VPS13A: variants seen among roughly 807,000 people sequenced by gnomAD.
The protein encoded by VPS13A is intermembrane lipid transfer protein VPS13A.
VPS13A carries 264 observed loss-of-function variants against 390.9 expected under a neutral mutation model. The ratio of observed to expected loss-of-function variants is 0.68; its 90% confidence interval spans 0.61 to 0.75. The LOEUF is 0.75. VPS13A is among the 30% of genes least tolerant of loss of function. VPS13A has a pLI of 0.00. For missense variants in VPS13A, 3,409 were observed against 3,733.9 expected (o/e 0.91, Z 2.27); for synonymous variants, 1,231 against 1,227.1 (o/e 1.00, Z -0.07).
chr9:77,316,048 A>T (rs1192512769), intron 38 of VPS13A, 126 bp from the exon 39 acceptor site: 1 of 442,978 alleles, frequency 2.3e-6, no homozygotes, highest in East Asian at 6.0e-5. Context: ...GTTGTAGTTG[A>T]TTCCTTTGGG....
At chr9:77,379,348 C>G (rs1833304411) in intron 67 of VPS13A, among the ~76,000 whole-genome samples, 1 of 151,802 alleles carries the variant, frequency 6.6e-6, no homozygotes, top group African/African-American at 2.4e-5. Context: ...TCAAGCTATT[C>G]TCCTGCCTCA....
At chr9:77,399,385 G>A (rs985847314) in intron 68 of VPS13A, among the ~76,000 whole-genome samples, 2 of 152,110 alleles carry the variant, frequency 1.3e-5, no homozygotes, top group Non-Finnish European at 2.9e-5. Context: ...TGGTTTAACT[G>A]CTTATATGCA....
chr9:77,313,348 T>C (rs1303602211), intron 35 of VPS13A, among the ~76,000 whole-genome samples: 2 of 152,190 alleles, frequency 1.3e-5, no homozygotes, highest in Non-Finnish European at 2.9e-5. Context: ...TGTGGAAATA[T>C]ACACTTATCA....
At chr9:77,332,654 G>C (rs745927650) in intron 46 of VPS13A, among the ~76,000 whole-genome samples, 2 of 151,958 alleles carry the variant, frequency 1.3e-5, no homozygotes, top group Non-Finnish European at 2.9e-5. Context: ...AACAAAATAT[G>C]AGCTAGTCTT....
intron 19 of VPS13A, among the ~76,000 whole-genome samples, chr9:77,241,179 A>C (rs755736312): frequency 4.6e-5 from 7 of 151,954 alleles, no homozygotes; most frequent in Non-Finnish European, 1.0e-4. Context: ...TCCATCTTCC[A>C]TTCTCCTTAA....
At chr9:77,326,397 GTT>G (rs1236823485) in intron 45 of VPS13A, among the ~76,000 whole-genome samples, 1 of 152,010 alleles carries the variant, frequency 6.6e-6, no homozygotes, top group Admixed American at 6.6e-5. Context: ...ACGTTAGGGT[GTT>G]TGAACTTGCC....
In VPS13A at chr9:77,376,345, A is replaced by C. The variant is rs542569696; in HGVS notation, c.9077+5196A>C. Among the ~76,000 whole-genome samples, 6 of 152,292 alleles carry C rather than the reference A, an allele frequency of 3.9e-5. No individual in the cohort carries two copies. The South Asian group carries it at 6.2e-4, about 16-fold the overall frequency. On this transcript the variant is annotated intron_variant, in intron 67 of 71. Coordinates refer to ENST00000360280, the MANE Select transcript of VPS13A (RefSeq NM_033305.3). ...AGATGAGAGGCCATTGAAAGGTTTC[A>C]AGCCAGAGAAATGATGTGAGCTGGC...
chr9:77,370,866 T>G (rs1323443223), intron 65 of VPS13A, 24 bp from the exon 66 acceptor site: 3 of 1,612,062 alleles, frequency 1.9e-6, no homozygotes, highest in African/African-American at 2.7e-5. Flanking sequence ...GTATTGTAAA[T>G]TTTCAGTTGT....
chr9:77,318,190 G>A, intron 40 of VPS13A, 45 bp from the exon 41 acceptor site: 1 of 1,119,444 alleles, frequency 8.9e-7, no homozygotes, highest in Non-Finnish European at 1.3e-6. Context: ...GACGTAGTAT[G>A]TTTGAAAGTG....
At chr9:77,415,407 T>C (rs971435354) in intron 71 of VPS13A, among the ~76,000 whole-genome samples, 2 of 152,208 alleles carry the variant, frequency 1.3e-5, no homozygotes, top group East Asian at 3.8e-4. Context: ...AAGCCCTGTA[T>C]CACCTCCGTG....
intron 31 of VPS13A, among the ~76,000 whole-genome samples, chr9:77,284,129 A>T (rs1003640452): frequency 4.6e-5 from 7 of 152,000 alleles, no homozygotes; most frequent in African/African-American, 1.5e-4. Context: ...TTTGAACTGG[A>T]TGATTAGTTG....
At chr9:77,407,808 T>G (rs747601141) in intron 71 of VPS13A, 3 of 532,110 alleles carry the variant, frequency 5.6e-6, no homozygotes, top group African/African-American at 1.9e-5. Context: ...CAATTCGGCA[T>G]ACCTACTTGC....
chr9:77,270,453 A>G (rs1341522769), intron 23 of VPS13A, among the ~76,000 whole-genome samples: 1 of 152,126 alleles, frequency 6.6e-6, no homozygotes, highest in African/African-American at 2.4e-5. Flanking sequence ...CTTATTTCTC[A>G]TTGCAGCTGG....
chr9:77,353,666 C>T, intron 54 of VPS13A, 25 bp downstream of exon 54: 1 of 1,556,550 alleles, frequency 6.4e-7, no homozygotes, highest in Admixed American at 1.7e-5. Context: ...ATTTTGGATA[C>T]ATTTAAATGA....
chr9:77,230,332 A>G (rs1564648430), intron 17 of VPS13A, among the ~76,000 whole-genome samples: 1 of 152,026 alleles, frequency 6.6e-6, no homozygotes, highest in African/African-American at 2.4e-5. Context: ...ATACTCCTAT[A>G]TATTCTTATA....
At chr9:77,303,170 G>A in intron 34 of VPS13A, 108 bp downstream of exon 34, 1 of 1,173,456 alleles carries the variant, frequency 8.5e-7, no homozygotes, top group Non-Finnish European at 1.3e-6. Context: ...AATCACCTTG[G>A]TCAGAATTGA....
chr9:77,377,542 G>T (rs765091140), intron 67 of VPS13A, among the ~76,000 whole-genome samples: 4 of 151,758 alleles, frequency 2.6e-5, no homozygotes, highest in Admixed American at 6.7e-5. Flanking sequence ...ATTGTTTATT[G>T]CTGGTGTGTT....
At chr9:77,198,195 G>A (rs1315166544) in intron 1 of VPS13A, among the ~76,000 whole-genome samples, 2 of 151,952 alleles carry the variant, frequency 1.3e-5, no homozygotes, top group African/African-American at 4.8e-5. Flanking sequence ...GCAGTTGAGG[G>A]GCCCGGAATT....
intron 67 of VPS13A, among the ~76,000 whole-genome samples, chr9:77,374,272 GTTTAAT>G (rs1315614351): frequency 1.3e-5 from 2 of 152,052 alleles, no homozygotes; most frequent in Non-Finnish European, 2.9e-5. Flanking sequence ...CCGTGATGAA[GTTTAAT>G]TTTAAATTAG....
Sources: allele counts gnomAD v4.1 joint callset (sites outside exome capture counted in the v4.1 genomes callset), GRCh38; gene constraint gnomAD v4.1.1; transcripts MANE v1.5; gene names NCBI Gene and HGNC (gene_info 2026-07-23, HGNC 2026-07-21).